MBNL1: variants seen among roughly 807,000 people sequenced by gnomAD.
The protein encoded by MBNL1 is muscleblind-like protein 1.
Under a neutral mutation model 42.2 loss-of-function variants are expected in MBNL1, and 8 were observed. The ratio of observed to expected loss-of-function variants is 0.19; its 90% confidence interval spans 0.11 to 0.34. The LOEUF (loss-of-function observed/expected upper bound fraction) is 0.34. Ranked by LOEUF, MBNL1 falls within the 10% of genes least tolerant of loss-of-function variation. The pLI is 1.00. For synonymous variants in MBNL1, 169 were observed against 173.9 expected (o/e 0.97, Z 0.22); for missense variants, 309 against 495.3 (o/e 0.62, Z 3.57).
chr3:152,364,201 A>G (rs1044633017), intron 2 of MBNL1, among the ~76,000 whole-genome samples: 6 of 152,072 alleles, frequency 3.9e-5, no homozygotes, highest in Admixed American at 1.3e-4. Flanking sequence ...CACCTGTTTC[A>G]TAGCTCAAGA....
intron 2 of MBNL1, among the ~76,000 whole-genome samples, chr3:152,255,400 A>G (rs111292323): frequency 9.7e-4 from 147 of 152,280 alleles, no homozygotes; most frequent in African/African-American, 3.4e-3. Flanking sequence ...ATTGAGCATT[A>G]TCTCCTATAG....
At chr3:152,390,613 GCACACACACACACA>G (rs3220073) in intron 2 of MBNL1, among the ~76,000 whole-genome samples, 5 of 147,156 alleles carry the variant, frequency 3.4e-5, no homozygotes, top group Admixed American at 6.8e-5. Flanking sequence ...GTATTGTTAT[GCACACACACACACA>G]CACACACACA....
chr3:152,431,195 G>A (rs572010469), intron 3 of MBNL1, among the ~76,000 whole-genome samples: 2 of 152,108 alleles, frequency 1.3e-5, no homozygotes, highest in African/African-American at 4.8e-5. Context: ...CTTGTATGTT[G>A]TAGGACACTT....
At chr3:152,456,777 ACTTAAATGTATTAC>A (rs1284689177) in intron 8 of MBNL1, among the ~76,000 whole-genome samples, 1 of 152,224 alleles carries the variant, frequency 6.6e-6, no homozygotes, top group Non-Finnish European at 1.5e-5. Context: ...AAAGTAAAAT[ACTTAAATGTATTAC>A]GTATGCCACA....
chr3:152,380,691 T>A lies in MBNL1; in HGVS notation c.175-34250T>A, dbSNP rs534539262. On this transcript the variant is annotated intron_variant, in intron 2 of 9. Transcript: ENST00000324210. ...GGAGTTACTGCATTTTCACATTATG[T>A]ACTTTAACACAACTTTAAACATTTC... 6.4e-4 allele frequency among the ~76,000 whole-genome samples: 97 copies of A among 152,202 alleles called. 1 individual carries two copies. Among genetic ancestry groups the A allele is most frequent in the African/African-American group, 2.3e-3 (94 of 41,576 alleles).
chr3:152,271,588 A>G lies in MBNL1; in HGVS notation c.-790+2496A>G, dbSNP rs146887903. ...CTCAGGTCTTGGTTAGGAGAAGCTGAAAAGAATAGGTGATTGGGTTTTTAA... is the reference window on the plus strand; with the variant it reads ...CTCAGGTCTTGGTTAGGAGAAGCTGGAAAGAATAGGTGATTGGGTTTTTAA... On this transcript the variant is annotated intron_variant, in intron 1 of 9. Coordinates refer to ENST00000324210, the MANE Select transcript of MBNL1 (RefSeq NM_021038.5). Among the ~76,000 whole-genome samples the G allele has an allele frequency of 2.0e-5, 3 of 152,298 alleles. No homozygotes were observed. In the East Asian group the frequency reaches 5.8e-4, roughly 29 times the overall value.
At chr3:152,373,676 T>C (rs1443193258) in intron 2 of MBNL1, among the ~76,000 whole-genome samples, 2 of 152,166 alleles carry the variant, frequency 1.3e-5, no homozygotes, top group African/African-American at 4.8e-5. Context: ...ATGAGCCAGG[T>C]ACCTTAGTTG....
intron 2 of MBNL1, among the ~76,000 whole-genome samples, chr3:152,381,017 C>A (rs965869192): frequency 3.3e-5 from 5 of 152,018 alleles, no homozygotes; most frequent in African/African-American, 1.2e-4. Context: ...GATAAACTGG[C>A]TTTGCTTCAT....
At position 152,300,313 on chromosome 3, in the gene MBNL1, G is replaced by A. The variant is rs74497536; in HGVS notation, c.120G>A (p.Ser40=). 0.018 allele frequency: 29,841 copies of A among 1,613,936 alleles called. 335 individuals carry two copies. Among genetic ancestry groups the A allele is most frequent in the Non-Finnish European group, 0.023 (27,046 of 1,179,848 alleles). Residue 40 remains serine, a synonymous_variant, in exon 2 of 10, where the codon TCG becomes TCA. Coordinates refer to ENST00000324210, the MANE Select transcript of MBNL1 (RefSeq NM_021038.5). ...PDTECKFAHP[S]KSCQVENGRV... Reference sequence around the variant, plus strand: ...CGGAATGTAAATTTGCACATCCTTCGAAAAGCTGCCAAGTTGAAAATGGAC... The same window carrying A: ...CGGAATGTAAATTTGCACATCCTTCAAAAAGCTGCCAAGTTGAAAATGGAC...
rs940828680 is a variant in MBNL1 at position 152,309,942 on chromosome 3, A to G, written c.174+9575A>G. 5.3e-5 allele frequency among the ~76,000 whole-genome samples: 8 copies of G among 152,346 alleles called. No homozygotes were observed. The East Asian group carries it at 9.6e-4, about 18-fold the overall frequency. On this transcript the variant is annotated intron_variant, in intron 2 of 9. Coordinates refer to ENST00000324210, the MANE Select transcript of MBNL1 (RefSeq NM_021038.5). The stretch of plus-strand genomic sequence containing the variant: ...TAAAATAATCATAGGATAATAAAAT[A>G]CTTTAAAACCCTTCTAGTCTTTAAT...
At chr3:152,421,830 C>A (rs1474264575) in intron 3 of MBNL1, among the ~76,000 whole-genome samples, 3 of 152,088 alleles carry the variant, frequency 2.0e-5, no homozygotes, top group Non-Finnish European at 4.4e-5. Flanking sequence ...AGACAAACTA[C>A]GTTTCATAAG....
At chr3:152,406,846 A>G (rs16864268) in intron 2 of MBNL1, among the ~76,000 whole-genome samples, 32,360 of 152,164 alleles carry the variant, frequency 0.21, 3,659 homozygotes, top group South Asian at 0.29. Context: ...TTAAGTAGCT[A>G]GAAAAGTCTA....
chr3:152,377,587 T>C (rs2096966191), intron 2 of MBNL1, among the ~76,000 whole-genome samples: 1 of 152,240 alleles, frequency 6.6e-6, no homozygotes, highest in Non-Finnish European at 1.5e-5. Context: ...ATGTTTGTTG[T>C]CATTATGTGT....
intron 1 of MBNL1, 103 bp downstream of exon 1, chr3:152,269,195 C>A (rs1370754437): frequency 2.6e-6 from 1 of 388,264 alleles, no homozygotes; most frequent in Non-Finnish European, 5.2e-6. Flanking sequence ...GCTCGCCGGC[C>A]GCGGTTCTCC....
chr3:152,332,302 A>G (rs1467784390), intron 2 of MBNL1, among the ~76,000 whole-genome samples: 1 of 152,150 alleles, frequency 6.6e-6, no homozygotes, highest in African/African-American at 2.4e-5. Flanking sequence ...GCTTTCTAGA[A>G]TTTTTGAATA....
intron 4 of MBNL1, among the ~76,000 whole-genome samples, chr3:152,438,873 G>C (rs2099112432): frequency 6.6e-6 from 1 of 152,124 alleles, no homozygotes; most frequent in Non-Finnish European, 1.5e-5. Flanking sequence ...AAATACTTTA[G>C]GTAAACAATG....
At chr3:152,341,510 A>G (rs1410992373) in intron 2 of MBNL1, among the ~76,000 whole-genome samples, 2 of 152,258 alleles carry the variant, frequency 1.3e-5, no homozygotes, top group African/African-American at 4.8e-5. Flanking sequence ...AATCGCAGTC[A>G]TAATTTCTAT....
chr3:152,258,085 C>A (rs2035698525), intron 2 of MBNL1, among the ~76,000 whole-genome samples: 1 of 152,052 alleles, frequency 6.6e-6, no homozygotes, highest in Non-Finnish European at 1.5e-5. Context: ...TCTCTGTATA[C>A]CTATACCATC....
intron 2 of MBNL1, among the ~76,000 whole-genome samples, chr3:152,409,406 G>A (rs963476046): frequency 1.3e-5 from 2 of 151,510 alleles, no homozygotes; most frequent in Non-Finnish European, 2.9e-5. Context: ...AATATGGCTT[G>A]ACTGCCAATG....
Sources: gnomAD v4.1 joint callset for allele counts (sites outside exome capture counted in the v4.1 genomes callset) on GRCh38, gnomAD v4.1.1 for gene constraint, MANE v1.5 for transcripts, NCBI Gene and HGNC (gene_info 2026-07-23, HGNC 2026-07-21) for gene names.